Variants in STIM1 observed in about 807,000 individuals in gnomAD.
STIM1 encodes the protein stromal interaction molecule 1.
A neutral mutation model predicts 74.7 loss-of-function variants in STIM1; 25 were observed. The ratio of observed to expected loss-of-function variants is 0.33; its 90% CI spans 0.24 to 0.47. STIM1 has a LOEUF of 0.47. Ranked by LOEUF, STIM1 falls within the 20% of genes least tolerant of loss-of-function variation. The pLI is 1.00. For missense variants in STIM1, 728 were observed against 920.8 expected (o/e 0.79, Z 2.71); for synonymous variants, 328 against 348.8 (o/e 0.94, Z 0.66).
chr11:4,049,186 G>T lies in STIM1; in HGVS notation c.386-6340G>T, dbSNP rs542689670. On this transcript the variant is annotated intron_variant, in intron 3 of 12. Coordinates refer to ENST00000526596, the MANE Select transcript of STIM1 (RefSeq NM_001382567.1). ...CATTCAGTTGTTTCAGTTAGAGTTG[G>T]TTCCTGTTATGACAGAAAATCCTTT... Among the ~76,000 whole-genome samples the T allele has an allele frequency of 6.5e-4, 99 of 152,296 alleles. 1 individual carries two copies. Among genetic ancestry groups the T allele is most frequent in the African/African-American group, 2.3e-3 (97 of 41,556 alleles).
chr11:4,039,079 G>A (rs1452759072), intron 3 of STIM1, among the ~76,000 whole-genome samples: 1 of 152,108 alleles, frequency 6.6e-6, no homozygotes, highest in Non-Finnish European at 1.5e-5. Flanking sequence ...GATCACAACT[G>A]CTGTCTCATT....
intron 3 of STIM1, among the ~76,000 whole-genome samples, chr11:4,036,852 G>A (rs183717847): frequency 6.6e-6 from 1 of 152,220 alleles, no homozygotes; most frequent in African/African-American, 2.4e-5. Context: ...AATGCCAAAA[G>A]CAAATGCAAC....
chr11:3,963,503 T>C (rs1405913259), intron 1 of STIM1, among the ~76,000 whole-genome samples: 2 of 152,248 alleles, frequency 1.3e-5, no homozygotes, highest in Non-Finnish European at 2.9e-5. Context: ...ATGTTATGCA[T>C]ATAAAAGGGT....
At chr11:3,857,096 GT>G (rs1397784537) in intron 1 of STIM1, among the ~76,000 whole-genome samples, 7 of 78,014 alleles carry the variant, frequency 9.0e-5, no homozygotes, top group African/African-American at 3.3e-4. Context: ...CATGCTACAG[GT>G]TTTTTTTTTT....
At chr11:3,968,247 C>A (rs913474242) in intron 2 of STIM1, among the ~76,000 whole-genome samples, 2 of 152,190 alleles carry the variant, frequency 1.3e-5, no homozygotes, top group African/African-American at 4.8e-5. Context: ...ATTGTTGTTT[C>A]ATCTTTTGGC....
intron 3 of STIM1, among the ~76,000 whole-genome samples, chr11:4,035,851 C>CTTT (rs35310625): frequency 3.2e-5 from 4 of 123,314 alleles, no homozygotes; most frequent in Non-Finnish European, 5.1e-5. Context: ...TGTTGTTTTG[C>CTTT]TTTTTTTTTT....
At chr11:3,903,170 G>A (rs2092392528) in intron 1 of STIM1, among the ~76,000 whole-genome samples, 1 of 152,148 alleles carries the variant, frequency 6.6e-6, no homozygotes, top group Non-Finnish European at 1.5e-5. Context: ...GAGGCCTAGA[G>A]AACTGAAATA....
At chr11:4,088,839 T>A in intron 12 of STIM1, 1 of 1,241,588 alleles carries the variant, frequency 8.1e-7, no homozygotes, top group Non-Finnish European at 1.1e-6. Context: ...TGAGCCTGCC[T>A]CACTGGGCCT....
chr11:3,991,719 C>T (rs1013256476), intron 2 of STIM1, among the ~76,000 whole-genome samples: 10 of 151,130 alleles, frequency 6.6e-5, no homozygotes, highest in Non-Finnish European at 1.5e-4. Flanking sequence ...GAGGCTGAGG[C>T]GGGTGGATCA....
Position 3,873,370 on chromosome 11 carries a change from A to C in STIM1, c.139+16961A>C, listed in dbSNP as rs200441340. Among the ~76,000 whole-genome samples, 46 of 147,328 alleles carry C rather than the reference A, an allele frequency of 3.1e-4. No individual in the cohort carries two copies. The East Asian group carries it at 8.3e-3, about 26-fold the overall frequency. On this transcript the variant is annotated intron_variant, in intron 1 of 12. Coordinates refer to ENST00000526596, the MANE Select transcript of STIM1 (RefSeq NM_001382567.1). Reference sequence around the variant, plus strand: ...GAGGCGTAGGTTGCAGTGAGCCGAGATTGCGCCATTGCACTCCAGCCTGGG... The same window carrying C: ...GAGGCGTAGGTTGCAGTGAGCCGAGCTTGCGCCATTGCACTCCAGCCTGGG...
intron 1 of STIM1, among the ~76,000 whole-genome samples, chr11:3,871,303 C>G (rs1382839585): frequency 6.6e-6 from 1 of 152,194 alleles, no homozygotes; most frequent in Non-Finnish European, 1.5e-5. Flanking sequence ...AGAACTTCCT[C>G]TAGACTAGGG....
chr11:3,953,020 A>G (rs2093167641), intron 1 of STIM1, among the ~76,000 whole-genome samples: 1 of 152,206 alleles, frequency 6.6e-6, no homozygotes, highest in Admixed American at 6.5e-5. Flanking sequence ...TTCTTGTGAG[A>G]TCAAAATTTG....
At chr11:3,957,742 C>T (rs1046867323) in intron 1 of STIM1, among the ~76,000 whole-genome samples, 1 of 151,734 alleles carries the variant, frequency 6.6e-6, no homozygotes, top group Non-Finnish European at 1.5e-5. Flanking sequence ...TTTTTTTCTT[C>T]CTTTGTAGAG....
rs10835206 is a variant in STIM1, at chr11:3,855,844, C to T, written c.-427C>T. On this transcript the variant is annotated 5_prime_UTR_variant, in exon 1 of 13. Transcript: ENST00000526596. ...GCCCTCCCCAGCTTCTGCTGCTCGC[C>T]GCTCTTCGGCAGGGCGAGGTCAGGT... The T allele has an allele frequency of 0.4, 80,144 of 201,524 alleles. 16,617 individuals carry two copies. Among genetic ancestry groups the T allele is most frequent in the East Asian group, 0.53 (3,867 of 7,276 alleles). The allele number at this position is 201,524 out of a possible 1,614,324, so 12.5% of individuals were successfully genotyped here.
At chr11:4,031,154 T>A (rs1037964043) in intron 3 of STIM1, among the ~76,000 whole-genome samples, 5 of 152,198 alleles carry the variant, frequency 3.3e-5, no homozygotes, top group Non-Finnish European at 7.3e-5. Context: ...TATGTACTTT[T>A]AAAAAATAAT....
In STIM1 at chr11:3,942,003, T is replaced by A. The variant is rs78226336; in HGVS notation, c.140-25549T>A. 8.5e-5 allele frequency among the ~76,000 whole-genome samples: 13 copies of A among 152,216 alleles called. No homozygotes were observed. The East Asian group carries it at 2.3e-3, about 27-fold the overall frequency. ...TCCTGTCTGTACATATTTTTGAGTA[T>A]ATAAAATGATCAAAAATAGGCTTTA... On this transcript the variant is annotated intron_variant, in intron 1 of 12. Coordinates refer to ENST00000526596, the MANE Select transcript of STIM1 (RefSeq NM_001382567.1).
chr11:4,022,787 C>G (rs1174335137), intron 2 of STIM1, among the ~76,000 whole-genome samples: 2 of 152,240 alleles, frequency 1.3e-5, no homozygotes, highest in Non-Finnish European at 2.9e-5. Flanking sequence ...CACATGATAT[C>G]TCCAGCAGGG....
At chr11:3,867,737 G>A (rs752066243) in intron 1 of STIM1, among the ~76,000 whole-genome samples, 8 of 152,312 alleles carry the variant, frequency 5.3e-5, no homozygotes, top group African/African-American at 1.2e-4. Context: ...CTGTCAGCAC[G>A]GCCCAGTAAG....
intron 1 of STIM1, among the ~76,000 whole-genome samples, chr11:3,943,310 A>G (rs944203966): frequency 1.3e-5 from 2 of 152,198 alleles, no homozygotes; most frequent in East Asian, 1.9e-4. Context: ...TAAGATTGCC[A>G]CATGCTATCT....
Sources: gnomAD v4.1 joint callset for allele counts (sites outside exome capture counted in the v4.1 genomes callset) on GRCh38, gnomAD v4.1.1 for gene constraint, MANE v1.5 for transcripts, NCBI Gene and HGNC (gene_info 2026-07-23, HGNC 2026-07-21) for gene names.